GREB1: variants seen among roughly 807,000 people sequenced by gnomAD.
The protein encoded by GREB1 is protein GREB1.
A neutral mutation model predicts 200.7 loss-of-function variants in GREB1; 106 were observed. The ratio of observed to expected loss-of-function variants is 0.53; its 90% CI spans 0.45 to 0.62. GREB1 has a LOEUF of 0.62. Ranked by LOEUF, GREB1 falls within the 20% of genes least tolerant of loss-of-function variation. GREB1 has a pLI of 0.00. For synonymous variants in GREB1, 1,132 were observed against 1,092.4 expected (o/e 1.04, Z -0.72); for missense variants, 2,243 against 2,556.8 (o/e 0.88, Z 2.65).
At chr2:11,488,979 G>A (rs966353689) in intron 1 of GREB1, among the ~76,000 whole-genome samples, 5 of 151,846 alleles carry the variant, frequency 3.3e-5, no homozygotes, top group South Asian at 2.1e-4. Flanking sequence ...CAACATAGGT[G>A]ATTAGATCAC....
rs150854690 is a variant in GREB1, at chr2:11,630,315, A to T, written c.4611+206A>T. Among the ~76,000 whole-genome samples the T allele has an allele frequency of 7.0e-4, 107 of 152,332 alleles. 2 individuals are homozygous for T. The East Asian group carries it at 0.016, about 22-fold the overall frequency. ...TACCATTTACTAGTTTTGTTACTTGAACATGTCACTTAATATCTGCAAGCC... is the reference window on the plus strand; with the variant it reads ...TACCATTTACTAGTTTTGTTACTTGTACATGTCACTTAATATCTGCAAGCC... On this transcript the variant is annotated intron_variant, in intron 26 of 32. Transcript: ENST00000381486.
At chr2:11,623,074 G>T (rs575132465) in intron 23 of GREB1, among the ~76,000 whole-genome samples, 1 of 152,184 alleles carries the variant, frequency 6.6e-6, no homozygotes, top group Non-Finnish European at 1.5e-5. Context: ...AAATTTAGTC[G>T]TGCGCCACAT....
chr2:11,501,613 C>T (rs1012434354), intron 1 of GREB1, among the ~76,000 whole-genome samples: 6 of 152,028 alleles, frequency 3.9e-5, no homozygotes, highest in South Asian at 2.1e-4. Flanking sequence ...AGGCTGGTCT[C>T]GAACTCCTGA....
Position 11,595,321 on chromosome 2 carries a change from C to T in GREB1, c.1767C>T (p.Tyr589=), listed in dbSNP as rs369629620. ...CGGAGTACCAGAAGGAAGTCAATTA[C>T]GAGCTGGTTACGGGGAAGGTAGACT... The part of the protein sequence containing the change: ...TPAEYQKEVN[Y]ELVTGKVDSL... Residue 589 remains tyrosine, a synonymous_variant, in exon 12 of 33, where the codon TAC becomes TAT. Coordinates refer to ENST00000381486, the MANE Select transcript of GREB1 (RefSeq NM_014668.4). 1.2e-5 allele frequency: 19 copies of T among 1,613,946 alleles called. No homozygotes were observed. The East Asian group carries it at 2.7e-4, about 23-fold the overall frequency.
At chr2:11,534,440 T>C (rs919531552) in intron 1 of GREB1, among the ~76,000 whole-genome samples, 186 bp downstream of exon 1, 1 of 152,204 alleles carries the variant, frequency 6.6e-6, no homozygotes, top group African/African-American at 2.4e-5. Flanking sequence ...CCGTACAAAT[T>C]TGCAGTTTCA....
At chr2:11,598,916 T>C (rs867431803) in intron 15 of GREB1, 56 bp downstream of exon 15, 25 of 1,430,348 alleles carry the variant, frequency 1.7e-5, no homozygotes, top group African/African-American at 9.8e-5. Context: ...AAGTGATGTA[T>C]GTGGATGTTC....
chr2:11,612,850 G>A (rs1572919932), intron 19 of GREB1, among the ~76,000 whole-genome samples: 1 of 152,228 alleles, frequency 6.6e-6, no homozygotes, highest in South Asian at 2.1e-4. Flanking sequence ...GACGGCTGTT[G>A]CCAGGCTCTA....
chr2:11,593,260 C>T, intron 11 of GREB1, 134 bp downstream of exon 11: 7 of 603,266 alleles, frequency 1.2e-5, no homozygotes, highest in Non-Finnish European at 1.7e-5. Flanking sequence ...GGTTTGTGCT[C>T]AGTAGCTGGC....
chr2:11,572,079 A>G (rs1678366123), intron 4 of GREB1, among the ~76,000 whole-genome samples: 1 of 152,214 alleles, frequency 6.6e-6, no homozygotes, highest in Non-Finnish European at 1.5e-5. Context: ...TTTTCTTTCT[A>G]AACATATTTG....
Position 11,620,946 on chromosome 2 carries a change from G to A in GREB1, c.4086G>A (p.Leu1362=). 2 of 1,613,244 alleles carry A rather than the reference G, an allele frequency of 1.2e-6. No homozygotes were observed. Among genetic ancestry groups the A allele is most frequent in the African/African-American group, 1.3e-5 (1 of 75,044 alleles). Residue 1362 remains leucine (L), a synonymous_variant, in exon 23 of 33, where the codon CTG becomes CTA. Transcript: ENST00000381486. ...TGAYLQFLSV[L]SRMLVRLTEV... is the part of the protein sequence containing the mutation. ...CCTACCTGCAGTTCCTCAGTGTCCT[G>A]TCCAGGATGCTTGTTCGGCTCACAG...
At chr2:11,638,561 A>G (rs1001530775) in intron 31 of GREB1, 110 bp from the exon 32 acceptor site, 1 of 875,114 alleles carries the variant, frequency 1.1e-6, no homozygotes, top group Non-Finnish European at 1.8e-6. Flanking sequence ...CCCCCCAAAA[A>G]TCTTGAGCTG....
At chr2:11,550,110 T>G (rs1043756877) in intron 1 of GREB1, among the ~76,000 whole-genome samples, 2 of 152,084 alleles carry the variant, frequency 1.3e-5, no homozygotes, top group Non-Finnish European at 2.9e-5. Flanking sequence ...TCCCAGCTAC[T>G]CGGAGGCTGA....
At chr2:11,516,782 A>G (rs13383410) in intron 1 of GREB1, among the ~76,000 whole-genome samples, 27,548 of 152,198 alleles carry the variant, frequency 0.18, 3,226 homozygotes, top group African/African-American at 0.32. Context: ...AAGCTGCCAC[A>G]CGCAAGCAAG....
chr2:11,547,380 A>G (rs2043543), intron 1 of GREB1, among the ~76,000 whole-genome samples: 87,044 of 152,106 alleles, frequency 0.57, 25,911 homozygotes, highest in South Asian at 0.77. Context: ...TAGTTTCTTC[A>G]TATGGGATAA....
chr2:11,634,601 T>C (rs1425134719), intron 29 of GREB1, among the ~76,000 whole-genome samples: 1 of 152,256 alleles, frequency 6.6e-6, no homozygotes, highest in Admixed American at 6.5e-5. Context: ...TTTTGGTTCA[T>C]TCTCCCAATA....
In GREB1 at chr2:11,635,253, C is replaced by A; in HGVS notation, c.5211-17C>A. On this transcript the variant is annotated splice_polypyrimidine_tract_variant and intron_variant, in intron 29 of 32. Transcript: ENST00000381486. ...GCTGTGCCCCATCAGACCCACCCCT[C>A]CTCTGGCCCTGAGTAGGTTCCTGTG... 6.2e-7 allele frequency: 1 copy of A among 1,614,042 alleles called. No individual in the cohort carries two copies. The highest frequency in any genetic ancestry group is 8.5e-7 in the Non-Finnish European group (1 of 1,179,950).
intron 2 of GREB1, among the ~76,000 whole-genome samples, chr2:11,559,743 CTT>C (rs1477224051): frequency 6.6e-6 from 1 of 152,210 alleles, no homozygotes; most frequent in African/African-American, 2.4e-5. Flanking sequence ...GGGCATGACT[CTT>C]TACACCTTCT....
chr2:11,598,061 T>C (rs1681428785), intron 14 of GREB1, 83 bp downstream of exon 14: 3 of 965,446 alleles, frequency 3.1e-6, no homozygotes, highest in Middle Eastern at 2.1e-4. Flanking sequence ...CACTGTTCTT[T>C]GCTATAGAGT....
chr2:11,493,054 GATGATTGATCGTACAAACCTATCA>G lies in GREB1; in HGVS notation c.-159+10678_-159+10701del. Among the ~76,000 whole-genome samples, 1 of 152,366 alleles carries G rather than the reference GATGATTGATCGTACAAACCTATCA, an allele frequency of 6.6e-6. No homozygotes were observed. Among genetic ancestry groups the G allele is most frequent in the African/African-American group, 2.4e-5 (1 of 41,584 alleles). On this transcript the variant is annotated intron_variant, in intron 1 of 2. Transcript: ENST00000628795. This position sits in a 1 kb window ranked among gnomAD's most constrained non-coding sequence, Gnocchi z 4.6. Reference sequence around the variant, plus strand: ...TGCTGGCCTTGAGCAATTGTCCCAAGATGATTGATCGTACAAACCTATCAATGAAGACACCTTGAGTAGCATCCC... The same window carrying G: ...TGCTGGCCTTGAGCAATTGTCCCAAGATGAAGACACCTTGAGTAGCATCCC...
Sources: allele counts gnomAD v4.1 joint callset (sites outside exome capture counted in the v4.1 genomes callset), GRCh38; gene constraint gnomAD v4.1.1; non-coding constraint Gnocchi (gnomAD v3.1); transcripts MANE v1.5; gene names NCBI Gene and HGNC (gene_info 2026-07-23, HGNC 2026-07-21).